The following WNK2 variants were observed in gnomAD, a reference collection of about 807,000 sequenced individuals.
The protein encoded by WNK2 is serine/threonine-protein kinase WNK2.
WNK2 carries 67 observed loss-of-function variants against 192.1 expected under a neutral mutation model. That is an observed-to-expected ratio of 0.35 (90% CI 0.29 to 0.43). The LOEUF is 0.43. Ranked by LOEUF, WNK2 falls within the 20% of genes least tolerant of loss-of-function variation. The probability of loss-of-function intolerance (pLI) is 1.00; values close to 1 mark genes in which losing one functional copy is unlikely to be tolerated. For missense variants in WNK2, 2,698 were observed against 3,089.7 expected, an observed-to-expected ratio of 0.87 and a Z score of 3.01; for synonymous variants, 1,439 against 1,393.9, an observed-to-expected ratio of 1.03 and a Z score of -0.72.
At chr9:93,280,332 G>C (rs116920170) in intron 19 of WNK2, among the ~76,000 whole-genome samples, 3 of 152,170 alleles carry the variant, frequency 2.0e-5, no homozygotes, top group African/African-American at 7.2e-5. Flanking sequence ...AGACACCACC[G>C]TACACTATTA....
chr9:93,283,923 C>A (rs1848079633), intron 19 of WNK2, among the ~76,000 whole-genome samples: 1 of 152,144 alleles, frequency 6.6e-6, no homozygotes, highest in Non-Finnish European at 1.5e-5. Context: ...AGTTAAAAAA[C>A]CAAGAAGTGT....
At chr9:93,316,227 T>G (rs1350464172) in intron 28 of WNK2, 1 of 152,228 alleles carries the variant, frequency 6.6e-6, no homozygotes, top group African/African-American at 2.4e-5. Context: ...AGGAAAGACT[T>G]TCAGTGTTGA....
intron 2 of WNK2, among the ~76,000 whole-genome samples, chr9:93,185,937 C>T (rs999171877): frequency 5.9e-5 from 9 of 152,332 alleles, no homozygotes; most frequent in East Asian, 3.9e-4. Flanking sequence ...GTCTCTTAGG[C>T]TGCTGCTTCT....
chr9:93,232,819 G>A (rs1468162411), intron 4 of WNK2, among the ~76,000 whole-genome samples: 1 of 152,116 alleles, frequency 6.6e-6, no homozygotes, highest in Non-Finnish European at 1.5e-5. Context: ...CTCAGCTGGA[G>A]TCCAGGAAGC....
At chr9:93,309,837 C>T (rs1853322592) in intron 28 of WNK2, among the ~76,000 whole-genome samples, 1 of 152,198 alleles carries the variant, frequency 6.6e-6, no homozygotes, top group Non-Finnish European at 1.5e-5. Flanking sequence ...GCATTCAAGG[C>T]TATAAAGTGC....
chr9:93,211,515 C>A (rs945766704), intron 2 of WNK2, among the ~76,000 whole-genome samples: 1 of 149,966 alleles, frequency 6.7e-6, no homozygotes, highest in African/African-American at 2.5e-5. Flanking sequence ...CTCATCCACT[C>A]ACTCATACAT....
At chr9:93,298,937 G>T (rs918992266) in intron 24 of WNK2, 133 bp from the exon 25 acceptor site, 23 of 894,568 alleles carry the variant, frequency 2.6e-5, no homozygotes, top group Non-Finnish European at 3.3e-5. Flanking sequence ...ATGTGGCCAT[G>T]TGCCTGTGGT....
At chr9:93,262,145 C>T in intron 13 of WNK2, 38 bp downstream of exon 13, 1 of 1,537,976 alleles carries the variant, frequency 6.5e-7, no homozygotes, top group Non-Finnish European at 8.8e-7. Context: ...CATGACTGGG[C>T]AGTTGCGGCC....
Position 93,240,163 on chromosome 9 carries a change from T to C in WNK2, c.1542+187T>C, listed in dbSNP as rs549794763. On this transcript the variant is annotated intron_variant, in intron 7 of 29. Transcript: ENST00000427277. The stretch of plus-strand genomic sequence containing the variant: ...ACAGCCTGGCCACGTCTGCCTAGGG[T>C]CTGCACAGGGGTGGCCTAAGTGGGA... 9.9e-5 allele frequency among the ~76,000 whole-genome samples: 15 copies of C among 151,962 alleles called. No individual in the cohort carries two copies. The South Asian group carries it at 2.9e-3, about 29-fold the overall frequency.
Position 93,261,836 on chromosome 9 carries a change from C to T in WNK2, c.3089C>T (p.Pro1030Leu). 1 of 1,596,800 alleles carries T rather than the reference C, an allele frequency of 6.3e-7. No individual in the cohort carries two copies. The highest frequency in any genetic ancestry group is 8.5e-7 in the Non-Finnish European group (1 of 1,177,910). Reference sequence around the variant, plus strand: ...CAGATTCTGCTTGGCCACCCAGCTCCCTATGCTGTGGACGTCGCCGCTCAG... The same window carrying T: ...CAGATTCTGCTTGGCCACCCAGCTCTCTATGCTGTGGACGTCGCCGCTCAG... ...GSQILLGHPA[P>L]YAVDVAAQVP... The change falls in exon 13 of 30, where the codon CCC (proline) becomes CTC (leucine). Residue 1030 changes from proline (P) to leucine (L), a missense_variant. This residue lies in a region of WNK2 where 893 missense variants were observed against 909.0 expected (regional missense o/e 0.98). Coordinates refer to ENST00000427277, the MANE Select transcript of WNK2 (RefSeq NM_006648.4).
intron 9 of WNK2, among the ~76,000 whole-genome samples, chr9:93,255,165 G>A (rs1449067490): frequency 6.6e-6 from 1 of 152,206 alleles, no homozygotes; most frequent in Non-Finnish European, 1.5e-5. Flanking sequence ...ATGAGGCCTG[G>A]AAGGAGTCCC....
intron 7 of WNK2, among the ~76,000 whole-genome samples, chr9:93,246,923 G>T (rs1841806351): frequency 6.6e-6 from 1 of 152,248 alleles, no homozygotes; most frequent in African/African-American, 2.4e-5. Flanking sequence ...TCAGAAGAAA[G>T]AAGGTAGTTA....
chr9:93,242,529 G>A (rs1007870783), intron 7 of WNK2, among the ~76,000 whole-genome samples: 2 of 152,240 alleles, frequency 1.3e-5, no homozygotes, highest in East Asian at 1.9e-4. Flanking sequence ...TTTCTCTGCC[G>A]ATGTAATACA....
In WNK2 at chr9:93,320,481, G is replaced by C. The variant is rs1191073862; in HGVS notation, c.*89G>C. 3.8e-6 allele frequency: 5 copies of C among 1,308,422 alleles called. No homozygotes were observed. In the East Asian group the frequency reaches 2.3e-4, roughly 61 times the overall value. The allele number at this position is 1,308,422 out of a possible 1,614,324, so 81.1% of individuals were successfully genotyped here. On this transcript the variant is annotated 3_prime_UTR_variant, in exon 30 of 30. Transcript: ENST00000427277. ...CAGCTGCTCCTCCTGTCCAGTTCAC[G>C]CTGTTTTGTAACCACTTTCTAAGCA...
At chr9:93,199,898 T>C (rs1832004238) in intron 2 of WNK2, among the ~76,000 whole-genome samples, 1 of 31,482 alleles carries the variant, frequency 3.2e-5, no homozygotes, top group Non-Finnish European at 1.0e-4. Flanking sequence ...ACTCTTTGTC[T>C]CAAAAAAAAA....
chr9:93,290,698 A>G (rs1029491938), intron 21 of WNK2, among the ~76,000 whole-genome samples: 1 of 152,256 alleles, frequency 6.6e-6, no homozygotes. Flanking sequence ...TACTTCAGCT[A>G]TAGCAGAGCA....
At chr9:93,307,122 A>G in intron 27 of WNK2, 1 of 470,186 alleles carries the variant, frequency 2.1e-6, no homozygotes, top group Non-Finnish European at 3.9e-6. Flanking sequence ...TCCTTTTCCA[A>G]AACCGTAGGA....
At chr9:93,263,027 A>AG (rs1297649197) in intron 14 of WNK2, among the ~76,000 whole-genome samples, 1 of 152,082 alleles carries the variant, frequency 6.6e-6, no homozygotes, top group Non-Finnish European at 1.5e-5. Flanking sequence ...AGAGACTAGG[A>AG]GGGGGCTGGG....
intron 26 of WNK2, among the ~76,000 whole-genome samples, chr9:93,302,848 C>T (rs1316438649): frequency 1.3e-5 from 2 of 152,298 alleles, no homozygotes; most frequent in Non-Finnish European, 1.5e-5. Flanking sequence ...GACTTCTCAC[C>T]CAGCTTGCAG....
Sources: gnomAD v4.1 joint callset for allele counts (sites outside exome capture counted in the v4.1 genomes callset) on GRCh38, gnomAD v4.1.1 for gene constraint, gnomAD v4.1.1 regional missense constraint, MANE v1.5 for transcripts, NCBI Gene and HGNC (gene_info 2026-07-23, HGNC 2026-07-21) for gene names.